The following STK3 variants were observed in gnomAD, a reference collection of about 807,000 sequenced individuals.
STK3 encodes the protein serine/threonine-protein kinase 3.
Under a neutral mutation model 58.0 loss-of-function variants are expected in STK3, and 41 were observed. The observed-to-expected ratio is 0.71, with a 90% CI of 0.55 to 0.92. STK3 has a LOEUF of 0.92. Among genes scored for constraint, STK3 ranks in the 40% least tolerant of loss-of-function variants. The pLI, the probability that STK3 is intolerant of heterozygous loss-of-function variation, is 0.00. For synonymous variants in STK3, 170 were observed against 191.0 expected (o/e 0.89, Z 0.91); for missense variants, 479 against 602.7 (o/e 0.79, Z 2.15).
At chr8:98,938,005 A>G (rs1291490090) in intron 1 of STK3, among the ~76,000 whole-genome samples, 1 of 152,238 alleles carries the variant, frequency 6.6e-6, no homozygotes, top group Non-Finnish European at 1.5e-5. Context: ...CCCCATAAGA[A>G]AAGGTCATTT....
intron 6 of STK3, among the ~76,000 whole-genome samples, chr8:98,699,145 T>C (rs1366931385): frequency 6.6e-6 from 1 of 151,806 alleles, no homozygotes; most frequent in Non-Finnish European, 1.5e-5. Flanking sequence ...TTCTTCCAGT[T>C]GATCGCATCG....
chr8:98,696,639 G>T lies in STK3; in HGVS notation c.684+9828C>A, dbSNP rs537583076. Among the ~76,000 whole-genome samples the T allele has an allele frequency of 1.8e-3, 268 of 152,276 alleles. 2 individuals are homozygous for T. Among genetic ancestry groups the T allele is most frequent in the Non-Finnish European group, 3.3e-3 (225 of 68,028 alleles). ...TCATGTGGTTTTTGTCTTTCGTTCT[G>T]TTTACATGCTGGATTACATTTATTG... On this transcript the variant is annotated intron_variant, in intron 6 of 10. Transcript: ENST00000419617.
In STK3 at chr8:98,428,570, G is replaced by A; in HGVS notation, n.483+5557C>T. Reference sequence around the variant, plus strand: ...TCAGCATCCTGTCCATCCTGGTGGTGATGGGGTCCATCATCACCATGTGCC... The same window carrying A: ...TCAGCATCCTGTCCATCCTGGTGGTAATGGGGTCCATCATCACCATGTGCC... On this transcript the variant is annotated intron_variant and non_coding_transcript_variant, in intron 3 of 3. Transcript: ENST00000517832. This position sits in a 1 kb window ranked among gnomAD's most constrained non-coding sequence, Gnocchi z 6.7. 6.2e-7 allele frequency: 1 copy of A among 1,614,194 alleles called. No homozygotes were observed. The highest frequency in any genetic ancestry group is 8.5e-7 in the Non-Finnish European group (1 of 1,180,040).
chr8:98,406,881 G>A (rs1021658414), intron 3 of STK3, among the ~76,000 whole-genome samples: 1 of 152,146 alleles, frequency 6.6e-6, no homozygotes, highest in African/African-American at 2.4e-5. Context: ...CATGCCTGGG[G>A]GTACAGCAGC....
intron 10 of STK3, among the ~76,000 whole-genome samples, chr8:98,503,230 T>G (rs182858075): frequency 6.8e-4 from 103 of 152,346 alleles, no homozygotes; most frequent in Non-Finnish European, 1.3e-3. Flanking sequence ...GTAGTTTGTA[T>G]TTCTATGGGA....
chr8:98,375,754 G>T (rs1481187146), intron 2 of STK3, among the ~76,000 whole-genome samples: 1 of 151,650 alleles, frequency 6.6e-6, no homozygotes. Flanking sequence ...TTTCATTACT[G>T]AAAACTCTTC....
At chr8:98,869,984 TC>T in intron 3 of STK3, among the ~76,000 whole-genome samples, 1 of 152,226 alleles carries the variant, frequency 6.6e-6, no homozygotes, top group East Asian at 1.9e-4. Flanking sequence ...TCTAATGCTA[TC>T]CCTCCCCTCT....
intron 4 of STK3, among the ~76,000 whole-genome samples, chr8:98,725,784 T>A (rs1174713327): frequency 6.8e-6 from 1 of 146,812 alleles, no homozygotes; most frequent in Non-Finnish European, 1.5e-5. Flanking sequence ...CAATTTACAT[T>A]TGTATAGAAC....
intron 3 of STK3, among the ~76,000 whole-genome samples, chr8:98,854,396 C>T (rs1836592224): frequency 6.6e-6 from 1 of 152,064 alleles, no homozygotes; most frequent in African/African-American, 2.4e-5. Context: ...AACTCTGCCT[C>T]CCAAAATGCC....
intron 6 of STK3, among the ~76,000 whole-genome samples, chr8:98,638,921 AT>A (rs926608132): frequency 1.2e-4 from 19 of 152,216 alleles, no homozygotes; most frequent in African/African-American, 3.6e-4. Context: ...AGTAATTACT[AT>A]TTAGACAAGG....
At chr8:98,521,969 T>C (rs2131458002) in intron 10 of STK3, among the ~76,000 whole-genome samples, 1 of 152,312 alleles carries the variant, frequency 6.6e-6, no homozygotes. Context: ...AACTCATACC[T>C]TGTCCTCTTA....
At chr8:98,538,857 C>T (rs1329973856) in intron 9 of STK3, among the ~76,000 whole-genome samples, 2 of 152,184 alleles carry the variant, frequency 1.3e-5, no homozygotes, top group African/African-American at 4.8e-5. Flanking sequence ...AGACTATACT[C>T]AGTGCCCACA....
rs185859313 is a variant in STK3 at position 98,694,159 on chromosome 8, A to C, written c.684+12308T>G. On this transcript the variant is annotated intron_variant, in intron 6 of 10. Transcript: ENST00000419617. Reference sequence around the variant, plus strand: ...CTATTTAAATGCTATGTTTCTCCAAAAAGGGAGGTGGAAGCCAGTTGGAAA... The same window carrying C: ...CTATTTAAATGCTATGTTTCTCCAACAAGGGAGGTGGAAGCCAGTTGGAAA... Among the ~76,000 whole-genome samples, 307 of 152,264 alleles carry C rather than the reference A, an allele frequency of 2.0e-3. 1 individual carries two copies. Among genetic ancestry groups the C allele is most frequent in the Middle Eastern group, 0.014 (4 of 294 alleles).
intron 6 of STK3, among the ~76,000 whole-genome samples, chr8:98,660,035 C>T (rs964285679): frequency 6.6e-6 from 1 of 151,668 alleles, no homozygotes. Context: ...TGAACGAAGA[C>T]GATGAATGGA....
intron 9 of STK3, among the ~76,000 whole-genome samples, chr8:98,544,049 G>A (rs1338473279): frequency 1.3e-5 from 2 of 151,864 alleles, no homozygotes; most frequent in Non-Finnish European, 2.9e-5. Flanking sequence ...CAGAAGCAAT[G>A]AAATAATGAA....
At chr8:98,916,199 G>A (rs769570257) in intron 1 of STK3, among the ~76,000 whole-genome samples, 23 of 152,170 alleles carry the variant, frequency 1.5e-4, no homozygotes, top group Non-Finnish European at 8.8e-5. Flanking sequence ...TGGATCACTT[G>A]AGGTCAGGAG....
At chr8:98,347,972 C>T in the STK3 span, among the ~76,000 whole-genome samples, 1 of 152,018 alleles carries the variant, frequency 6.6e-6, no homozygotes, top group African/African-American at 2.4e-5. Context: ...TATTGAGGGA[C>T]AAGAAAAAAG....
chr8:98,923,117 AT>A (rs1224153501), intron 1 of STK3, among the ~76,000 whole-genome samples: 2 of 152,230 alleles, frequency 1.3e-5, no homozygotes, highest in Non-Finnish European at 2.9e-5. Context: ...CCTTGATCAA[AT>A]GGAAAGGTTT....
intron 3 of STK3, among the ~76,000 whole-genome samples, chr8:98,755,985 C>A (rs1452243292): frequency 6.6e-6 from 1 of 151,172 alleles, no homozygotes; most frequent in Admixed American, 6.6e-5. Flanking sequence ...ACTAAAAATA[C>A]AAAAAAAATT....
Sources: allele counts gnomAD v4.1 joint callset (sites outside exome capture counted in the v4.1 genomes callset), GRCh38; gene constraint gnomAD v4.1.1; non-coding constraint Gnocchi (gnomAD v3.1); transcripts MANE v1.5; gene names NCBI Gene and HGNC (gene_info 2026-07-23, HGNC 2026-07-21).